Variants in NTHL1 observed in about 807,000 individuals in gnomAD.
NTHL1 encodes nth like DNA glycosylase 1.
NTHL1 carries 32 observed loss-of-function variants against 32.3 expected under a neutral mutation model. The ratio of observed to expected loss-of-function variants is 0.99; its 90% CI spans 0.75 to 1.33. The LOEUF (loss-of-function observed/expected upper bound fraction) is 1.33, where lower values mean the gene tolerates loss of function less well. Among genes scored for constraint, NTHL1 ranks in the 40% most tolerant of loss-of-function variants. The pLI is 0.00. For missense variants in NTHL1, 501 were observed against 414.1 expected (o/e 1.21, Z -1.82); for synonymous variants, 188 against 176.9 (o/e 1.06, Z -0.50).
At position 2,044,981 on chromosome 16, in the gene NTHL1, G is replaced by A. The variant is rs1466760865; in HGVS notation, c.355-181C>T. Among the ~76,000 whole-genome samples, 2 of 152,216 alleles carry A rather than the reference G, an allele frequency of 1.3e-5. No homozygotes were observed. The highest frequency in any genetic ancestry group is 2.9e-5 in the Non-Finnish European group (2 of 68,046). On this transcript the variant is annotated intron_variant, in intron 2 of 5. Coordinates refer to ENST00000651570, the MANE Select transcript of NTHL1 (RefSeq NM_002528.7). This position sits in a 1 kb window ranked among gnomAD's most constrained non-coding sequence, Gnocchi z 5.0. ...TATGTTTGGTCATCTACAACACCAG[G>A]ACAATAATAGTACCTGACTCACTGG...
intron 4 of NTHL1, among the ~76,000 whole-genome samples, chr16:2,040,874 A>G (rs866063863): frequency 1.1e-4 from 17 of 152,308 alleles, no homozygotes; most frequent in African/African-American, 4.1e-4. Context: ...CTGGGTGGCA[A>G]CAGCTCTGCC....
rs947255324 is a variant in NTHL1, at chr16:2,044,517, C to T, written c.525+113G>A. 92 of 1,431,618 alleles carry T rather than the reference C, an allele frequency of 6.4e-5. No homozygotes were observed. Among genetic ancestry groups the T allele is most frequent in the African/African-American group, 1.5e-4 (11 of 71,574 alleles). 88.7% of individuals were successfully genotyped at this position (1,431,618 alleles called of 1,614,324 possible). A position where few individuals can be genotyped will look rare whatever the true frequency, so the allele number is the denominator to read the frequency against. On this transcript the variant is annotated intron_variant, in intron 3 of 5. Coordinates refer to ENST00000651570, the MANE Select transcript of NTHL1 (RefSeq NM_002528.7). This position sits in a 1 kb window ranked among gnomAD's most constrained non-coding sequence, Gnocchi z 5.0. ...TGGGGGGGGCTTCAGGGGGACCCCCCGAGCCTGAGATGCTTGACCCTCACT... is the reference window on the plus strand; with the variant it reads ...TGGGGGGGGCTTCAGGGGGACCCCCTGAGCCTGAGATGCTTGACCCTCACT...
In NTHL1 at chr16:2,043,135, C is replaced by G. The variant is rs2084292105; in HGVS notation, c.685+432G>C. Among the ~76,000 whole-genome samples the G allele has an allele frequency of 6.6e-6, 1 of 151,194 alleles. No homozygotes were observed. Among genetic ancestry groups the G allele is most frequent in the Non-Finnish European group, 1.5e-5 (1 of 67,826 alleles). On this transcript the variant is annotated intron_variant, in intron 4 of 5. Coordinates refer to ENST00000651570, the MANE Select transcript of NTHL1 (RefSeq NM_002528.7). The surrounding 1 kb of genome is among the most constrained non-coding windows in gnomAD (Gnocchi z 4.4). ...GATGCTGTTCCTTCTGCTGGGAACA[C>G]ACTTCCTCCTCTTGGCCTGGCTCAC... is the stretch of plus-strand genomic sequence containing the variant.
At chr16:2,046,076 A>C (rs2084357025) in intron 2 of NTHL1, 52 bp downstream of exon 2, 3 of 1,497,022 alleles carry the variant, frequency 2.0e-6, no homozygotes, top group Non-Finnish European at 2.8e-6. Flanking sequence ...GAAAGAAAAC[A>C]AGGACCTTGC....
chr16:2,045,097 G>A (rs2150942887), intron 2 of NTHL1, among the ~76,000 whole-genome samples: 1 of 152,320 alleles, frequency 6.6e-6, no homozygotes. Flanking sequence ...AGCACTTCGG[G>A]AGGCCAAGGC....
At position 2,046,293 on chromosome 16, in the gene NTHL1, C is replaced by T. The variant is rs757957149; in HGVS notation, c.189G>A (p.Ser63=). 1.7e-5 allele frequency: 28 copies of T among 1,613,076 alleles called. No individual in the cohort carries two copies. Among genetic ancestry groups the T allele is most frequent in the East Asian group, 2.2e-5 (1 of 44,886 alleles). Residue 63 remains serine (S), a synonymous_variant, in exon 2 of 6, where the codon TCG becomes TCA. Transcript: ENST00000651570. ...AQRLRVAYEG[S]DSEKGEGAEP... ...CAGCCCCCTCACCTTTCTCACTGTC[C>T]GAGCCCTCATAGGCCACACGCAGTC...
In NTHL1 at chr16:2,047,792, C is replaced by T. The variant is rs372992221; in HGVS notation, c.32G>A (p.Arg11Gln). The T allele has an allele frequency of 2.1e-5, 34 of 1,590,842 alleles. No individual in the cohort carries two copies. The highest frequency in any genetic ancestry group is 2.4e-5 in the Non-Finnish European group (28 of 1,173,794). Residue 11 changes from arginine to glutamine, a missense_variant, in exon 1 of 6, where the codon CGG (arginine) becomes CAG (glutamine). By Grantham distance (43) the Arg-to-Gln change is conservative (BLOSUM62 1). Transcript: ENST00000651570. MTALSARMLT[R>Q]SRSLGPGAGP... is the part of the protein sequence containing the mutation. ...AGCCCCGGGTCCCAGGCTCCGGCTCCGGGTCAGCATCCTCGCGCTCAAGGC... is the reference window on the plus strand; with the variant it reads ...AGCCCCGGGTCCCAGGCTCCGGCTCTGGGTCAGCATCCTCGCGCTCAAGGC...
In NTHL1 at chr16:2,043,473, C is replaced by T. The variant is rs963739214; in HGVS notation, c.685+94G>A. On this transcript the variant is annotated intron_variant, in intron 4 of 5. Transcript: ENST00000651570. This position sits in a 1 kb window ranked among gnomAD's most constrained non-coding sequence, Gnocchi z 4.4. The stretch of plus-strand genomic sequence containing the variant: ...TGACTCTATGGGCTGGGTGGAGGAC[C>T]AGCATGCTGGAAGTGGAGTCACAGG... The T allele has an allele frequency of 1.1e-4, 168 of 1,547,986 alleles. No individual in the cohort carries two copies. Among genetic ancestry groups the T allele is most frequent in the Non-Finnish European group, 2.0e-5 (23 of 1,140,640 alleles).
chr16:2,042,682 G>C (rs980372194), intron 4 of NTHL1, among the ~76,000 whole-genome samples: 8 of 152,082 alleles, frequency 5.3e-5, no homozygotes, highest in Non-Finnish European at 4.4e-5. Context: ...CAAACCCAGG[G>C]GTCTGTCTGC....
In NTHL1 at chr16:2,044,552, G is replaced by T; in HGVS notation, c.525+78C>A. 6.4e-7 allele frequency: 1 copy of T among 1,572,510 alleles called. No individual in the cohort carries two copies. Among genetic ancestry groups the T allele is most frequent in the East Asian group, 2.2e-5 (1 of 44,658 alleles). The stretch of plus-strand genomic sequence containing the variant: ...ATGCTTGACCCTCACTTCCTGCACC[G>T]TCGCCACCCCCCTCAGCCTTCTGAG... On this transcript the variant is annotated intron_variant, in intron 3 of 5. Transcript: ENST00000651570. The surrounding 1 kb of genome is among the most constrained non-coding windows in gnomAD (Gnocchi z 5.0).
At chr16:2,047,581 A>T (rs1034911501) in intron 1 of NTHL1, 128 bp downstream of exon 1, 2 of 1,395,996 alleles carry the variant, frequency 1.4e-6, no homozygotes, top group Admixed American at 2.7e-5. Flanking sequence ...CGCACGTGGG[A>T]ACCGTTCGCG....
At chr16:2,047,653 C>T in intron 1 of NTHL1, 56 bp downstream of exon 1, 1 of 1,527,244 alleles carries the variant, frequency 6.5e-7, no homozygotes, top group Non-Finnish European at 8.8e-7. Flanking sequence ...CCCGGGACTC[C>T]AGCCTGCAGC....
At chr16:2,047,422 A>C (rs918268763) in intron 1 of NTHL1, 44 of 500,596 alleles carry the variant, frequency 8.8e-5, no homozygotes, top group African/African-American at 8.2e-4. Context: ...GGACCCACAG[A>C]GCCTGGAGTG....
At chr16:2,040,088 G>A (rs1567367041) in intron 5 of NTHL1, 41 bp from the exon 6 acceptor site, 3 of 1,612,642 alleles carry the variant, frequency 1.9e-6, no homozygotes, top group Non-Finnish European at 2.5e-6. Context: ...CAGAGGGCGG[G>A]CGGGGTGAGC....
At position 2,044,917 on chromosome 16, in the gene NTHL1, A is replaced by T; in HGVS notation, c.355-117T>A. ...TGTTGCCCTGGGCCACACTTGAGGCATCAGCCTCCCCCTGTGGGGTGGGGA... is the reference window on the plus strand; with the variant it reads ...TGTTGCCCTGGGCCACACTTGAGGCTTCAGCCTCCCCCTGTGGGGTGGGGA... On this transcript the variant is annotated intron_variant, in intron 2 of 5. Coordinates refer to ENST00000651570, the MANE Select transcript of NTHL1 (RefSeq NM_002528.7). The surrounding 1 kb of genome is among the most constrained non-coding windows in gnomAD (Gnocchi z 5.0). 1.7e-6 allele frequency: 2 copies of T among 1,209,888 alleles called. No homozygotes were observed. The highest frequency in any genetic ancestry group is 2.3e-6 in the Non-Finnish European group (2 of 878,394). The allele number at this position is 1,209,888 out of a possible 1,614,324, so 74.9% of individuals were successfully genotyped here.
At chr16:2,047,616 C>T (rs1397007376) in intron 1 of NTHL1, 93 bp downstream of exon 1, 2 of 1,472,154 alleles carry the variant, frequency 1.4e-6, no homozygotes, top group Non-Finnish European at 9.0e-7. Flanking sequence ...AGCCCCTGCC[C>T]GCGCAGCTGG....
At chr16:2,040,418 A>AG in intron 4 of NTHL1, 180 bp from the exon 5 acceptor site, 1 of 671,490 alleles carries the variant, frequency 1.5e-6, no homozygotes, top group Non-Finnish European at 2.7e-6. Flanking sequence ...GTGCTGGGGC[A>AG]GGGGCTGAGC....
chr16:2,041,611 T>A (rs2084269641), intron 4 of NTHL1, among the ~76,000 whole-genome samples: 1 of 146,394 alleles, frequency 6.8e-6, no homozygotes, highest in South Asian at 2.1e-4. Flanking sequence ...CCCGGCTAAT[T>A]TTTTTTTTTT....
Position 2,039,879 on chromosome 16 carries a change from A to G in NTHL1, c.*45T>C. 6.3e-7 allele frequency: 1 copy of G among 1,597,350 alleles called. No homozygotes were observed. The highest frequency in any genetic ancestry group is 1.1e-5 in the South Asian group (1 of 90,988). ...GCTTCCTGAAGCGTAAAGCCACTTC[A>G]CAGACGGTGGCCACAGCGGCACCTC... On this transcript the variant is annotated 3_prime_UTR_variant, in exon 6 of 6. Transcript: ENST00000651570.
Sources: gnomAD v4.1 joint callset for allele counts (sites outside exome capture counted in the v4.1 genomes callset) on GRCh38, gnomAD v4.1.1 for gene constraint, Gnocchi (gnomAD v3.1) non-coding constraint, MANE v1.5 for transcripts, NCBI Gene and HGNC (gene_info 2026-07-23, HGNC 2026-07-21) for gene names.